PRRC1: variants seen among roughly 807,000 people sequenced by gnomAD.
PRRC1 encodes the protein proline rich coiled-coil 1, also known as protein PRRC1.
PRRC1 carries 39 observed loss-of-function variants against 40.7 expected under a neutral mutation model. The ratio of observed to expected loss-of-function variants is 0.96; its 90% CI spans 0.74 to 1.25. The LOEUF is 1.25. PRRC1 is among the 50% of genes most tolerant of loss of function. PRRC1 has a pLI of 0.00. For synonymous variants in PRRC1, 175 were observed against 193.3 expected (o/e 0.91, Z 0.79); for missense variants, 573 against 548.3 (o/e 1.05, Z -0.45).
intron 7 of PRRC1, among the ~76,000 whole-genome samples, chr5:127,544,861 G>A (rs1001145782): frequency 9.2e-5 from 14 of 152,270 alleles, no homozygotes; most frequent in Admixed American, 6.5e-4. Flanking sequence ...ACCCTGCTTC[G>A]GCTCGAGCAT....
rs552324854 is a variant in PRRC1, at chr5:127,552,425, C to T, written c.*509C>T. ...CAGTCACTATAAGACACCTACTTGT[C>T]GGGAGATGTTCCACATTTCTGTGCA... On this transcript the variant is annotated 3_prime_UTR_variant, in exon 9 of 9. Transcript: ENST00000296666. 9.1e-6 allele frequency: 9 copies of T among 987,056 alleles called. No homozygotes were observed. In the South Asian group the frequency reaches 1.9e-4, roughly 21 times the overall value. 61.1% of individuals were successfully genotyped at this position (987,056 alleles called of 1,614,324 possible).
intron 8 of PRRC1, chr5:127,548,430 AAGT>A (rs1213042759): frequency 6.3e-6 from 1 of 159,504 alleles, no homozygotes; most frequent in Admixed American, 6.4e-5. Context: ...AGGAGAATGT[AAGT>A]ATAAATGATA....
rs1364103824 is a variant in PRRC1, at chr5:127,517,690, G to C, written c.-107G>C. ...GTAACTTCCAGGGTGCGCCTTCGTT[G>C]TCTTCTCCAAGCTGTAGTTCTACGT... On this transcript the variant is annotated 5_prime_UTR_variant, in exon 1 of 9. Transcript: ENST00000296666. 1 of 152,132 alleles carries C rather than the reference G, an allele frequency of 6.6e-6. No homozygotes were observed. The highest frequency in any genetic ancestry group is 1.5e-5 in the Non-Finnish European group (1 of 68,042). 9.4% of individuals were successfully genotyped at this position (152,132 alleles called of 1,614,324 possible).
chr5:127,550,619 C>T (rs777411077), intron 8 of PRRC1: 14 of 152,148 alleles, frequency 9.2e-5, no homozygotes, highest in Non-Finnish European at 1.6e-4. Context: ...TGCAGATTCT[C>T]GGGTCCTAAC....
At chr5:127,548,309 T>C (rs771358474) in intron 8 of PRRC1, 1 of 374,622 alleles carries the variant, frequency 2.7e-6, no homozygotes, top group Non-Finnish European at 4.8e-6. Context: ...CTTGATTGAT[T>C]GTCCTCCTGT....
At position 127,552,166 on chromosome 5, in the gene PRRC1, T is replaced by C. The variant is rs958961336; in HGVS notation, c.*250T>C. The C allele has an allele frequency of 7.9e-7, 1 of 1,264,514 alleles. No homozygotes were observed. The highest frequency in any genetic ancestry group is 1.0e-6 in the Non-Finnish European group (1 of 1,000,924). 78.3% of individuals were successfully genotyped at this position (1,264,514 alleles called of 1,614,324 possible). The stretch of plus-strand genomic sequence containing the variant: ...AAAAAAGAAAATATACAAATCTATT[T>C]ACAGCACAATTTAATATACCAGATT... On this transcript the variant is annotated 3_prime_UTR_variant, in exon 9 of 9. Coordinates refer to ENST00000296666, the MANE Select transcript of PRRC1 (RefSeq NM_130809.5).
intron 7 of PRRC1, among the ~76,000 whole-genome samples, chr5:127,539,597 T>C (rs2127106929): frequency 6.6e-6 from 1 of 152,276 alleles, no homozygotes; most frequent in South Asian, 2.1e-4. Flanking sequence ...TAATTTATCA[T>C]TGTTTTTCAG....
At chr5:127,528,536 C>T (rs571135026) in intron 4 of PRRC1, among the ~76,000 whole-genome samples, 2 of 152,140 alleles carry the variant, frequency 1.3e-5, no homozygotes, top group South Asian at 2.1e-4. Context: ...AGGCTGGTCT[C>T]GAACTCCTGA....
rs1410570417 is a variant in PRRC1, at chr5:127,552,704, C to T, written c.*788C>T. 1.0e-6 allele frequency: 1 copy of T among 982,318 alleles called. No individual in the cohort carries two copies. The highest frequency in any genetic ancestry group is 1.2e-6 in the Non-Finnish European group (1 of 826,746). 60.9% of individuals were successfully genotyped at this position (982,318 alleles called of 1,614,324 possible). On this transcript the variant is annotated 3_prime_UTR_variant, in exon 9 of 9. Transcript: ENST00000296666. The stretch of plus-strand genomic sequence containing the variant: ...TATTTTTGTATAATACTGTTCAGTA[C>T]TTCCAAGAATAAGCTCTGACAACAG...
intron 3 of PRRC1, 34 bp downstream of exon 3, chr5:127,524,954 A>G (rs1767579957): frequency 6.6e-7 from 1 of 1,519,020 alleles, no homozygotes; most frequent in Non-Finnish European, 8.8e-7. Flanking sequence ...ATACATGGCT[A>G]TTAATTAATG....
At position 127,552,226 on chromosome 5, in the gene PRRC1, C is replaced by T; in HGVS notation, c.*310C>T. 1.8e-6 allele frequency: 2 copies of T among 1,102,918 alleles called. No individual in the cohort carries two copies. Among genetic ancestry groups the T allele is most frequent in the Non-Finnish European group, 2.2e-6 (2 of 902,194 alleles). The allele number at this position is 1,102,918 out of a possible 1,614,324, so 68.3% of individuals were successfully genotyped here. ...GAAATTCATGTGCAGAGACATTTAA[C>T]TTAATGCCATGTACTTGATTATTTT... On this transcript the variant is annotated 3_prime_UTR_variant, in exon 9 of 9. Coordinates refer to ENST00000296666, the MANE Select transcript of PRRC1 (RefSeq NM_130809.5).
chr5:127,520,350 T>A (rs1263825757), intron 1 of PRRC1, among the ~76,000 whole-genome samples: 1 of 152,222 alleles, frequency 6.6e-6, no homozygotes, highest in African/African-American at 2.4e-5. Context: ...ATCTGCTCTG[T>A]CTGCCCAGTG....
At chr5:127,544,320 G>T (rs151787) in intron 7 of PRRC1, among the ~76,000 whole-genome samples, 46,891 of 152,086 alleles carry the variant, frequency 0.31, 7,527 homozygotes, top group East Asian at 0.55. Flanking sequence ...GCTGCTCGGG[G>T]GTCAGGGGTC....
chr5:127,538,419 C>T (rs1767953482), intron 6 of PRRC1, among the ~76,000 whole-genome samples: 1 of 152,048 alleles, frequency 6.6e-6, no homozygotes, highest in South Asian at 2.1e-4. Flanking sequence ...AAGCAATAAA[C>T]AGAAACCTTT....
At chr5:127,522,803 C>T (rs1767494386) in intron 1 of PRRC1, among the ~76,000 whole-genome samples, 1 of 151,758 alleles carries the variant, frequency 6.6e-6, no homozygotes, top group Non-Finnish European at 1.5e-5. Flanking sequence ...AGAGATCTTG[C>T]TCTGTCACGC....
At chr5:127,549,660 C>T (rs1768320912) in intron 8 of PRRC1, 3 of 152,130 alleles carry the variant, frequency 2.0e-5, no homozygotes. Flanking sequence ...GTTAACATTG[C>T]TGTAGATCTG....
intron 5 of PRRC1, among the ~76,000 whole-genome samples, chr5:127,532,879 T>G (rs1767810888): frequency 1.3e-5 from 2 of 152,202 alleles, no homozygotes. Flanking sequence ...GTGCTGTGTT[T>G]AGAACAAGGG....
chr5:127,536,127 T>G (rs927494093), intron 6 of PRRC1, among the ~76,000 whole-genome samples: 1 of 152,256 alleles, frequency 6.6e-6, no homozygotes, highest in East Asian at 1.9e-4. Context: ...AGAGCAAAGC[T>G]GCCAAAAGCA....
Position 127,533,755 on chromosome 5 carries a change from C to T in PRRC1, c.890C>T (p.Pro297Leu), listed in dbSNP as rs1190460701. Residue 297 changes from proline (P) to leucine (L), a missense_variant, in exon 6 of 9, where the codon CCA becomes CTA. Coordinates refer to ENST00000296666, the MANE Select transcript of PRRC1 (RefSeq NM_130809.5). ...VGEAGQSNIA[P>L]QPVGYAAGLK... ...GAAGCTGGACAGTCCAATATTGCCC[C>T]ACAACCAGTGGGCTATGCAGCTGGA... The T allele has an allele frequency of 3.7e-6, 6 of 1,614,066 alleles. No individual in the cohort carries two copies. The East Asian group carries it at 1.3e-4, about 36-fold the overall frequency.
Sources: allele counts gnomAD v4.1 joint callset (sites outside exome capture counted in the v4.1 genomes callset), GRCh38; gene constraint gnomAD v4.1.1; transcripts MANE v1.5; gene names NCBI Gene and HGNC (gene_info 2026-07-23, HGNC 2026-07-21).